NCALD: variants seen among roughly 807,000 people sequenced by gnomAD.
The protein encoded by NCALD is neurocalcin delta.
NCALD carries 10 observed loss-of-function variants against 18.6 expected under a neutral mutation model. That is an observed-to-expected ratio of 0.54 (90% CI 0.33 to 0.91). The LOEUF is 0.91. NCALD is among the 40% of genes least tolerant of loss of function. The probability of loss-of-function intolerance (pLI) is 0.03; values close to 1 mark genes in which losing one functional copy is unlikely to be tolerated. For missense variants in NCALD, 184 were observed against 247.6 expected (o/e 0.74, Z 1.72); for synonymous variants, 88 against 87.4 (o/e 1.01, Z -0.04).
chr8:101,828,093 G>A (rs994958354), intron 4 of NCALD, among the ~76,000 whole-genome samples: 7 of 152,158 alleles, frequency 4.6e-5, no homozygotes, highest in Admixed American at 6.5e-5. Context: ...ACCTTGTGCC[G>A]TTTCTCACCT....
intron 1 of NCALD, among the ~76,000 whole-genome samples, chr8:101,720,622 T>C (rs1423429568): frequency 1.3e-5 from 2 of 152,232 alleles, no homozygotes; most frequent in Non-Finnish European, 2.9e-5. Context: ...AGGTAACTTT[T>C]ACTAGGTGGG....
At chr8:101,913,093 C>T (rs1332008936) in intron 3 of NCALD, among the ~76,000 whole-genome samples, 2 of 152,178 alleles carry the variant, frequency 1.3e-5, no homozygotes, top group African/African-American at 2.4e-5. Context: ...CAGACAAGAA[C>T]ACAGCACAGT....
At chr8:101,923,075 A>G (rs574675623) in intron 2 of NCALD, among the ~76,000 whole-genome samples, 24 of 152,306 alleles carry the variant, frequency 1.6e-4, no homozygotes, top group Non-Finnish European at 2.4e-4. Context: ...TAAGGCTCCT[A>G]TAAAAGAGGG....
intron 1 of NCALD, among the ~76,000 whole-genome samples, chr8:101,727,569 A>G (rs1466228305): frequency 6.6e-6 from 1 of 152,130 alleles, no homozygotes; most frequent in East Asian, 1.9e-4. Context: ...TACAACCTCA[A>G]TTTCTGGATC....
chr8:101,749,309 T>C (rs1430758935), intron 1 of NCALD, among the ~76,000 whole-genome samples: 1 of 152,064 alleles, frequency 6.6e-6, no homozygotes, highest in African/African-American at 2.4e-5. Flanking sequence ...TGATCAGAAG[T>C]GCTTCTCCAA....
intron 1 of NCALD, among the ~76,000 whole-genome samples, chr8:102,034,158 G>A (rs1255073011): frequency 6.6e-6 from 1 of 152,090 alleles, no homozygotes; most frequent in African/African-American, 2.4e-5. Flanking sequence ...TTCCCCAAGT[G>A]TGTCTGTTAT....
chr8:101,724,987 G>A (rs1035213341), intron 1 of NCALD, among the ~76,000 whole-genome samples: 4 of 152,208 alleles, frequency 2.6e-5, no homozygotes, highest in Non-Finnish European at 5.9e-5. Flanking sequence ...GTCTACTGGG[G>A]GTGAGGCACT....
chr8:101,981,117 A>G (rs1040098686), intron 2 of NCALD, among the ~76,000 whole-genome samples: 4 of 152,214 alleles, frequency 2.6e-5, no homozygotes, highest in African/African-American at 9.7e-5. Context: ...CTGCAATCAG[A>G]TTAGCTCCTT....
chr8:101,783,214 A>C, intron 1 of NCALD, among the ~76,000 whole-genome samples: 1 of 152,192 alleles, frequency 6.6e-6, no homozygotes, highest in East Asian at 1.9e-4. Flanking sequence ...TCTTAAGGGA[A>C]GAGGAGTAGA....
At chr8:101,986,173 G>T (rs1410545142) in intron 2 of NCALD, among the ~76,000 whole-genome samples, 11 of 152,246 alleles carry the variant, frequency 7.2e-5, no homozygotes. Context: ...TGGGATTACA[G>T]GCAGGTGCCA....
At chr8:101,776,838 T>C (rs769048764) in intron 1 of NCALD, among the ~76,000 whole-genome samples, 8 of 152,160 alleles carry the variant, frequency 5.3e-5, no homozygotes, top group Admixed American at 2.6e-4. Context: ...CTGACACCTA[T>C]TGAACTGCGG....
At chr8:102,086,201 C>T (rs1229910121) in intron 1 of NCALD, among the ~76,000 whole-genome samples, 5 of 152,154 alleles carry the variant, frequency 3.3e-5, no homozygotes, top group Non-Finnish European at 7.3e-5. Context: ...GTGCACAAGA[C>T]TGTACAGCTC....
chr8:101,913,725 G>C (rs1421547500), intron 3 of NCALD, among the ~76,000 whole-genome samples: 1 of 152,132 alleles, frequency 6.6e-6, no homozygotes, highest in African/African-American at 2.4e-5. Flanking sequence ...TGGGATTACA[G>C]GCATGCACCA....
At chr8:101,806,187 C>A (rs1052925959) in intron 4 of NCALD, among the ~76,000 whole-genome samples, 6 of 151,718 alleles carry the variant, frequency 4.0e-5, no homozygotes, top group African/African-American at 1.5e-4. Context: ...AAAACAACAA[C>A]AAAAAACCCC....
intron 1 of NCALD, among the ~76,000 whole-genome samples, chr8:102,105,352 C>T (rs571341581): frequency 6.6e-6 from 1 of 152,294 alleles, no homozygotes; most frequent in East Asian, 1.9e-4. Context: ...GTGTGCACTG[C>T]CTTTCCCACA....
intron 4 of NCALD, among the ~76,000 whole-genome samples, chr8:101,853,806 T>C (rs1448624681): frequency 6.6e-6 from 1 of 152,108 alleles, no homozygotes; most frequent in African/African-American, 2.4e-5. Flanking sequence ...TTGACTTCCA[T>C]CTGTTTAAAC....
At chr8:101,807,491 C>T (rs1292633744) in intron 4 of NCALD, among the ~76,000 whole-genome samples, 3 of 152,012 alleles carry the variant, frequency 2.0e-5, no homozygotes, top group Non-Finnish European at 2.9e-5. Context: ...AAACATAGAC[C>T]AGAAAAATTA....
chr8:101,953,726 T>G (rs1819518978), intron 2 of NCALD, among the ~76,000 whole-genome samples: 1 of 152,232 alleles, frequency 6.6e-6, no homozygotes, highest in Non-Finnish European at 1.5e-5. Flanking sequence ...TCATGTGGAT[T>G]TTAGAGGGCA....
intron 1 of NCALD, among the ~76,000 whole-genome samples, chr8:101,742,519 A>G (rs2130707224): frequency 6.6e-6 from 1 of 152,366 alleles, no homozygotes; most frequent in Admixed American, 6.5e-5. Context: ...TAGAGAAGTG[A>G]TAATAAAAGA....
Sources: allele counts gnomAD v4.1 joint callset (sites outside exome capture counted in the v4.1 genomes callset), GRCh38; gene constraint gnomAD v4.1.1; transcripts MANE v1.5; gene names NCBI Gene and HGNC (gene_info 2026-07-23, HGNC 2026-07-21).